The following GPR158 variants were observed in gnomAD, a reference collection of about 807,000 sequenced individuals.
GPR158 encodes the protein metabotropic glycine receptor.
Under a neutral mutation model 78.2 loss-of-function variants are expected in GPR158, and 30 were observed. The ratio of observed to expected loss-of-function variants is 0.38; its 90% CI spans 0.29 to 0.52. GPR158 has a LOEUF of 0.52. Ranked by LOEUF, GPR158 falls within the 20% of genes least tolerant of loss-of-function variation. GPR158 has a pLI of 0.83. For missense variants in GPR158, 1,463 were observed against 1,523.5 expected, an observed-to-expected ratio of 0.96 and a Z score of 0.66; for synonymous variants, 581 against 591.1, an observed-to-expected ratio of 0.98 and a Z score of 0.25.
chr10:25,566,404 T>A (rs921478637), intron 6 of GPR158, among the ~76,000 whole-genome samples: 1 of 152,180 alleles, frequency 6.6e-6, no homozygotes, highest in Non-Finnish European at 1.5e-5. Context: ...TTCACAGCTT[T>A]CTGAGCCCCT....
chr10:25,357,626 T>G (rs35316012), intron 2 of GPR158, among the ~76,000 whole-genome samples: 16,948 of 152,112 alleles, frequency 0.11, 1,986 homozygotes, highest in African/African-American at 0.3. Flanking sequence ...GAGACTGTGG[T>G]TGCACAGAAT....
intron 1 of GPR158, among the ~76,000 whole-genome samples, chr10:25,205,274 CTT>C (rs59202198): frequency 0.043 from 5,474 of 128,314 alleles, 284 homozygotes; most frequent in African/African-American, 0.13. Flanking sequence ...TGGATCTTCT[CTT>C]TTTTTTTTTT....
At chr10:25,346,880 C>T (rs1855379101) in intron 2 of GPR158, among the ~76,000 whole-genome samples, 1 of 151,878 alleles carries the variant, frequency 6.6e-6, no homozygotes, top group Non-Finnish European at 1.5e-5. Context: ...ATTAAGAGAA[C>T]AAAAGTGGAG....
At chr10:25,324,830 T>TC (rs1855005643) in intron 2 of GPR158, among the ~76,000 whole-genome samples, 1 of 117,598 alleles carries the variant, frequency 8.5e-6, no homozygotes. Flanking sequence ...CTTTTTTCTT[T>TC]CTTTTTTTTT....
intron 7 of GPR158, among the ~76,000 whole-genome samples, chr10:25,573,970 G>A (rs919642067): frequency 1.3e-5 from 2 of 151,808 alleles, no homozygotes; most frequent in African/African-American, 2.4e-5. Context: ...CACTAAGGTA[G>A]GAAGCGACTC....
chr10:25,305,605 T>TA (rs1027056652), intron 2 of GPR158, among the ~76,000 whole-genome samples: 55 of 151,828 alleles, frequency 3.6e-4, no homozygotes, highest in Admixed American at 1.1e-3. Context: ...GATTCGGAGG[T>TA]AAAAAAAGAA....
chr10:25,254,838 GA>G (rs1163885145), intron 2 of GPR158, among the ~76,000 whole-genome samples: 1 of 152,066 alleles, frequency 6.6e-6, no homozygotes, highest in African/African-American at 2.4e-5. Flanking sequence ...TCTCACCTTG[GA>G]AGTATCTAAT....
At chr10:25,549,892 T>C (rs2130711335) in intron 5 of GPR158, among the ~76,000 whole-genome samples, 1 of 152,248 alleles carries the variant, frequency 6.6e-6, no homozygotes, top group Non-Finnish European at 1.5e-5. Flanking sequence ...AACAAAATCA[T>C]ACTCAGGGTT....
At chr10:25,344,222 G>A (rs113838731) in intron 2 of GPR158, among the ~76,000 whole-genome samples, 6 of 151,882 alleles carry the variant, frequency 4.0e-5, no homozygotes, top group African/African-American at 9.6e-5. Context: ...GTTTTATTTC[G>A]CGTTGGGGCT....
At chr10:25,362,452 T>C (rs942533414) in intron 2 of GPR158, among the ~76,000 whole-genome samples, 3 of 151,968 alleles carry the variant, frequency 2.0e-5, no homozygotes, top group Non-Finnish European at 4.4e-5. Flanking sequence ...TGATATTCTA[T>C]ATGAATTTTA....
At chr10:25,523,858 AG>A (rs747754569) in intron 5 of GPR158, among the ~76,000 whole-genome samples, 30 of 152,208 alleles carry the variant, frequency 2.0e-4, no homozygotes, top group Non-Finnish European at 3.7e-4. Flanking sequence ...AAGAAAAAAA[AG>A]GCTTTTACTT....
At chr10:25,325,119 C>T (rs933752991) in intron 2 of GPR158, among the ~76,000 whole-genome samples, 2 of 152,144 alleles carry the variant, frequency 1.3e-5, no homozygotes, top group Non-Finnish European at 2.9e-5. Flanking sequence ...GTTAGGATTA[C>T]AGGCATGAAC....
chr10:25,312,585 C>A (rs889468585), intron 2 of GPR158, among the ~76,000 whole-genome samples: 2 of 152,018 alleles, frequency 1.3e-5, no homozygotes, highest in Admixed American at 1.3e-4. Flanking sequence ...AATGGTGTTC[C>A]ATGAAATAAA....
chr10:25,376,299 C>T (rs947943222), intron 2 of GPR158, among the ~76,000 whole-genome samples: 11 of 151,502 alleles, frequency 7.3e-5, no homozygotes, highest in South Asian at 2.1e-4. Context: ...AGCTTTTAGG[C>T]GTGTTTCTTT....
In GPR158 at chr10:25,597,798, A is replaced by T; in HGVS notation, c.2172A>T (p.Gln724His). 1 of 1,508,484 alleles carries T rather than the reference A, an allele frequency of 6.6e-7. No individual in the cohort carries two copies. Among genetic ancestry groups the T allele is most frequent in the Non-Finnish European group, 8.8e-7 (1 of 1,130,274 alleles). The allele number at this position is 1,508,484 out of a possible 1,614,324, so 93.4% of individuals were successfully genotyped here. Residue 724 changes from glutamine (Q) to histidine (H), a missense_variant, in exon 11 of 11, where the codon CAA becomes CAT. By Grantham distance (24) the Gln-to-His change is conservative (BLOSUM62 0). Transcript: ENST00000376351. ...IRDELKKLYA[Q>H]LEIYKRKKMI... ...ACGAGCTGAAAAAACTCTATGCCCAACTGGAAATATATAAAAGAAAGAAGA... is the reference window on the plus strand; with the variant it reads ...ACGAGCTGAAAAAACTCTATGCCCATCTGGAAATATATAAAAGAAAGAAGA...
intron 2 of GPR158, among the ~76,000 whole-genome samples, chr10:25,309,725 A>G (rs1018923088): frequency 6.6e-6 from 1 of 152,052 alleles, no homozygotes; most frequent in African/African-American, 2.4e-5. Context: ...GCTTCTCAGG[A>G]TAGTGAATAA....
At chr10:25,560,855 A>C (rs914472523) in intron 6 of GPR158, among the ~76,000 whole-genome samples, 11 of 152,220 alleles carry the variant, frequency 7.2e-5, no homozygotes, top group Non-Finnish European at 1.6e-4. Context: ...CATTTTCGCT[A>C]TTAGTCATTT....
At chr10:25,412,038 T>C (rs1834598461) in intron 3 of GPR158, among the ~76,000 whole-genome samples, 2 of 150,298 alleles carry the variant, frequency 1.3e-5, no homozygotes, top group African/African-American at 4.9e-5. Flanking sequence ...CCTCAACCAC[T>C]TTCAATGATG....
intron 4 of GPR158, among the ~76,000 whole-genome samples, chr10:25,424,521 AAC>A (rs1166303526): frequency 2.0e-5 from 3 of 151,192 alleles, no homozygotes; most frequent in African/African-American, 7.3e-5. Flanking sequence ...TTTTAGGTCT[AAC>A]ATTTAAGTCT....
Sources: allele counts gnomAD v4.1 joint callset (sites outside exome capture counted in the v4.1 genomes callset), GRCh38; gene constraint gnomAD v4.1.1; transcripts MANE v1.5; gene names NCBI Gene and HGNC (gene_info 2026-07-23, HGNC 2026-07-21).